PIK3R6: variants seen among roughly 807,000 people sequenced by gnomAD.
The protein encoded by PIK3R6 is phosphoinositide-3-kinase regulatory subunit 6, also known as phosphoinositide 3-kinase regulatory subunit 6.
In PIK3R6, 91 loss-of-function variants were observed where a neutral mutation model predicts 84.9. That is an observed-to-expected ratio of 1.07 (90% CI 0.90 to 1.28). PIK3R6 has a LOEUF of 1.28. PIK3R6 is among the 50% of genes most tolerant of loss of function. The probability of loss-of-function intolerance (pLI) is 0.00; values close to 1 mark genes in which losing one functional copy is unlikely to be tolerated. For missense variants in PIK3R6, 996 were observed against 985.1 expected, an observed-to-expected ratio of 1.01 and a Z score of -0.15; for synonymous variants, 416 against 411.4, an observed-to-expected ratio of 1.01 and a Z score of -0.13.
intron 18 of PIK3R6, among the ~76,000 whole-genome samples, chr17:8,805,733 T>C (rs1480270522): frequency 1.3e-5 from 2 of 152,036 alleles, no homozygotes; most frequent in Non-Finnish European, 1.5e-5. Flanking sequence ...CTGGCCAACA[T>C]GGTGAAACCC....
rs1379229305 is a variant in PIK3R6, at chr17:8,827,267, G to T, written c.1420C>A (p.Leu474Met). 1 of 1,565,256 alleles carries T rather than the reference G, an allele frequency of 6.4e-7. No individual in the cohort carries two copies. The highest frequency in any genetic ancestry group is 2.4e-5 in the East Asian group (1 of 41,848). ...EKPAASRQPELGELATFLGRV... is the reference protein window; with the variant it reads ...EKPAASRQPEMGELATFLGRV... ...CCCAGGAACGTAGCCAGCTCTCCCA[G>T]CTCCGGCTGCCTGGATGCTGCAGGC... The change falls in exon 13 of 20, where the codon CTG (leucine) becomes ATG (methionine). Residue 474 changes from leucine to methionine, a missense_variant. Physicochemically the swap from Leu to Met is conservative, Grantham distance 15 (BLOSUM62 2). Transcript: ENST00000619866.
intron 10 of PIK3R6, 139 bp downstream of exon 10, chr17:8,829,567 T>TAC (rs748428031): frequency 2.5e-6 from 2 of 795,360 alleles, no homozygotes; most frequent in East Asian, 3.2e-5. Context: ...CATGCACACA[T>TAC]ACACACACAG....
At chr17:8,858,469 G>T (rs1038205515) in intron 1 of PIK3R6, among the ~76,000 whole-genome samples, 3 of 151,956 alleles carry the variant, frequency 2.0e-5, no homozygotes, top group African/African-American at 7.2e-5. Flanking sequence ...GGCACCCGCC[G>T]CCACCCCTGG....
chr17:8,803,272 C>T lies in PIK3R6; in HGVS notation c.*1G>A, dbSNP rs2087093224. 4 of 1,612,194 alleles carry T rather than the reference C, an allele frequency of 2.5e-6. No individual in the cohort carries two copies. The highest frequency in any genetic ancestry group is 3.4e-6 in the Non-Finnish European group (4 of 1,179,844). On this transcript the variant is annotated 3_prime_UTR_variant, in exon 20 of 20. Transcript: ENST00000619866. The surrounding 1 kb of genome is among the most constrained non-coding windows in gnomAD (Gnocchi z 5.0). The stretch of plus-strand genomic sequence containing the variant: ...CTCCTGGGCCTGCTGTCCCTGCAGG[C>T]TCACTGGACAATACCAGAGAATGTG...
chr17:8,831,847 C>T (rs553106032), intron 9 of PIK3R6, among the ~76,000 whole-genome samples: 10 of 152,334 alleles, frequency 6.6e-5, no homozygotes, highest in Non-Finnish European at 1.0e-4. Context: ...CCTACAACAG[C>T]CAGGAAACAC....
chr17:8,843,150 T>A (rs1318282598), intron 2 of PIK3R6, among the ~76,000 whole-genome samples: 1 of 152,190 alleles, frequency 6.6e-6, no homozygotes, highest in Non-Finnish European at 1.5e-5. Context: ...ATCATTTAGC[T>A]CAGCATGAAG....
chr17:8,829,469 GACAC>G (rs1279675508), intron 10 of PIK3R6, among the ~76,000 whole-genome samples: 3 of 124,960 alleles, frequency 2.4e-5, no homozygotes, highest in Admixed American at 1.7e-4. Flanking sequence ...CACATACACT[GACAC>G]ACACTCATGC....
chr17:8,859,374 G>A (rs1296281580), intron 1 of PIK3R6, among the ~76,000 whole-genome samples: 1 of 152,204 alleles, frequency 6.6e-6, no homozygotes, highest in Non-Finnish European at 1.5e-5. Flanking sequence ...CAAGACCCCT[G>A]GAACAGACGT....
chr17:8,827,258 G>C lies in PIK3R6; in HGVS notation c.1429C>G (p.Leu477Val), dbSNP rs1283166566. The part of the protein sequence containing the change: ...AASRQPELGE[L>V]ATFLGRVDPW... Reference sequence around the variant, plus strand: ...TCTACGCGGCCCAGGAACGTAGCCAGCTCTCCCAGCTCCGGCTGCCTGGAT... The same window carrying C: ...TCTACGCGGCCCAGGAACGTAGCCACCTCTCCCAGCTCCGGCTGCCTGGAT... Residue 477 changes from leucine (L) to valine (V), a missense_variant, in exon 13 of 20, where the codon CTG becomes GTG. Physicochemically the swap from Leu to Val is conservative, Grantham distance 32 (BLOSUM62 1). Coordinates refer to ENST00000619866, the MANE Select transcript of PIK3R6 (RefSeq NM_001010855.4). 3 of 1,572,282 alleles carry C rather than the reference G, an allele frequency of 1.9e-6. No homozygotes were observed. Among genetic ancestry groups the C allele is most frequent in the Admixed American group, 1.9e-5 (1 of 53,468 alleles).
At position 8,834,156 on chromosome 17, in the gene PIK3R6, C is replaced by CAA. The variant is rs71135927; in HGVS notation, c.646-1113_646-1112dup. On this transcript the variant is annotated intron_variant, in intron 8 of 19. Coordinates refer to ENST00000619866, the MANE Select transcript of PIK3R6 (RefSeq NM_001010855.4). ...TGGGCAACAGAGCAAGACTTCGTCT[C>CAA]AAAAAAAAAAAAAAAAAAAAAAGAG... Among the ~76,000 whole-genome samples the CAA allele has an allele frequency of 6.1e-3, 279 of 45,546 alleles. 3 individuals are homozygous for CAA. The highest frequency in any genetic ancestry group is 7.0e-3 in the African/African-American group (94 of 13,392). 29.9% of individuals were successfully genotyped at this position (45,546 alleles called of 152,430 possible).
intron 15 of PIK3R6, 149 bp from the exon 16 acceptor site, chr17:8,822,806 A>G (rs77682639): frequency 2.0e-6 from 2 of 998,440 alleles, no homozygotes; most frequent in African/African-American, 1.6e-5. Context: ...GGGGGCCAGG[A>G]TGCCTTTCAG....
rs756652681 is a variant in PIK3R6 at position 8,837,825 on chromosome 17, G to C, written c.236C>G (p.Thr79Ser). Reference protein sequence around the residue: ...LRHVIIPLLHTVMYVLTKATG... With the variant: ...LRHVIIPLLHSVMYVLTKATG... ...CACCTTGGTGAGCACGTACATTACA[G>C]TGTGCAGCAAGGGAATGATGACATG... The change falls in exon 5 of 20, where the codon ACT becomes AGT. Residue 79 changes from threonine to serine, a missense_variant. Transcript: ENST00000619866. The C allele has an allele frequency of 6.2e-7, 1 of 1,613,954 alleles. No homozygotes were observed. The highest frequency in any genetic ancestry group is 1.7e-5 in the Admixed American group (1 of 60,022).
intron 16 of PIK3R6, 42 bp from the exon 17 acceptor site, chr17:8,821,978 A>AGGGGAGG: frequency 1.4e-6 from 2 of 1,477,366 alleles, no homozygotes; most frequent in Non-Finnish European, 1.8e-6. Flanking sequence ...TGCTCAGGAC[A>AGGGGAGG]TACCCTTTCC....
intron 17 of PIK3R6, among the ~76,000 whole-genome samples, chr17:8,819,723 TAC>T (rs1194397224): frequency 1.4e-5 from 2 of 147,364 alleles, no homozygotes; most frequent in Non-Finnish European, 3.0e-5. Flanking sequence ...TATACATATA[TAC>T]ACACACATAT....
At position 8,836,632 on chromosome 17, in the gene PIK3R6, C is replaced by A; in HGVS notation, c.392-16G>T. ...TACAGTGTCCCTGCAAACCAGACCA[C>A]TTTGGCCAAACAGCCCCCAAGTCTC... On this transcript the variant is annotated splice_polypyrimidine_tract_variant and intron_variant, in intron 6 of 19. Coordinates refer to ENST00000619866, the MANE Select transcript of PIK3R6 (RefSeq NM_001010855.4). 1 of 1,613,982 alleles carries A rather than the reference C, an allele frequency of 6.2e-7. No individual in the cohort carries two copies. Among genetic ancestry groups the A allele is most frequent in the Non-Finnish European group, 8.5e-7 (1 of 1,179,894 alleles).
rs933055108 is a variant in PIK3R6, at chr17:8,804,069, C to T, written c.2080G>A (p.Asp694Asn). The change falls in exon 19 of 20, where the codon GAT (aspartate) becomes AAT (asparagine). Residue 694 changes from aspartate to asparagine, a missense_variant. Transcript: ENST00000619866. ...RLLTLSLDKD[D>N]QRTFRDVVRF... ...ACCACATCCCTGAAAGTGCGTTGAT[C>T]GTCCTTGTCCAGCGACAGTGTCAGC... The T allele has an allele frequency of 6.8e-6, 11 of 1,613,858 alleles. No homozygotes were observed. Among genetic ancestry groups the T allele is most frequent in the African/African-American group, 6.7e-5 (5 of 74,930 alleles).
rs756841302 is a variant in PIK3R6 at position 8,823,065 on chromosome 17, G to A, written c.1648C>T (p.Gln550Ter). Residue 550 changes from glutamine (Q) to a stop codon, truncating the protein, a stop_gained, in exon 15 of 20, where the codon CAA becomes TAA. Coordinates refer to ENST00000619866, the MANE Select transcript of PIK3R6 (RefSeq NM_001010855.4). LOFTEE classifies it high-confidence loss of function. ...AGGAAAATGTCCTCAGTAGGGTCTT[G>A]GCTCAGGTCACTGAAAAAGATCTGG... ...TVKIFFSDLS[Q>*]DPTEDIFLIE... 1.9e-6 allele frequency: 3 copies of A among 1,608,066 alleles called. No homozygotes were observed. The Admixed American group carries it at 5.0e-5, about 27-fold the overall frequency.
Position 8,842,943 on chromosome 17 carries a change from A to G in PIK3R6, c.14-3246T>C, listed in dbSNP as rs905848563. On this transcript the variant is annotated intron_variant, in intron 2 of 19. Transcript: ENST00000619866. This position sits in a 1 kb window ranked among gnomAD's most constrained non-coding sequence, Gnocchi z 4.5. ...TAAAATATTTTTAGGCCAAGTCACCATAGGTGCTAGTGCTCATGGTCTGGC... is the reference window on the plus strand; with the variant it reads ...TAAAATATTTTTAGGCCAAGTCACCGTAGGTGCTAGTGCTCATGGTCTGGC... 6.6e-6 allele frequency among the ~76,000 whole-genome samples: 1 copy of G among 152,242 alleles called. No homozygotes were observed. Among genetic ancestry groups the G allele is most frequent in the African/African-American group, 2.4e-5 (1 of 41,470 alleles).
intron 1 of PIK3R6, among the ~76,000 whole-genome samples, chr17:8,861,126 G>A (rs1476435238): frequency 1.3e-5 from 2 of 149,734 alleles, no homozygotes; most frequent in Non-Finnish European, 3.0e-5. Flanking sequence ...AAGTTGCAGC[G>A]AGCCAAGATC....
Sources: gnomAD v4.1 joint callset for allele counts (sites outside exome capture counted in the v4.1 genomes callset) on GRCh38, gnomAD v4.1.1 for gene constraint, Gnocchi (gnomAD v3.1) non-coding constraint, MANE v1.5 for transcripts, NCBI Gene and HGNC (gene_info 2026-07-23, HGNC 2026-07-21) for gene names.